GPRIN1: variants seen among roughly 807,000 people sequenced by gnomAD.
The protein encoded by GPRIN1 is G protein-regulated inducer of neurite outgrowth 1.
A neutral mutation model predicts 2.8 loss-of-function variants in GPRIN1; 4 were observed. The ratio of observed to expected loss-of-function variants is 1.45; its 90% CI spans 0.71 to 3.32. GPRIN1 has a LOEUF of 3.32. Among genes scored for constraint, GPRIN1 ranks in the 30% most tolerant of loss-of-function variants. The probability of loss-of-function intolerance (pLI) is 0.01; values close to 1 mark genes in which losing one functional copy is unlikely to be tolerated. For missense variants in GPRIN1, 1,322 were observed against 1,343.4 expected, an observed-to-expected ratio of 0.98 and a Z score of 0.25; for synonymous variants, 589 against 589.9, an observed-to-expected ratio of 1.00 and a Z score of 0.02.
chr5:176,598,392 A>G lies in GPRIN1; in HGVS notation c.1443T>C (p.Pro481=). 1 of 1,613,986 alleles carries G rather than the reference A, an allele frequency of 6.2e-7. No individual in the cohort carries two copies. The highest frequency in any genetic ancestry group is 8.5e-7 in the Non-Finnish European group (1 of 1,179,954). Residue 481 remains proline (P), a synonymous_variant, in exon 2 of 2, where the codon CCT becomes CCC. Coordinates refer to ENST00000303991, the MANE Select transcript of GPRIN1 (RefSeq NM_052899.3). ...SRKTSSEKVN[P]ESSGKTNPVS... ...CAGGGTTTGTCTTTCCTGAAGACTC[A>G]GGATTCACTTTTTCAGATGATGTCT...
In GPRIN1 at chr5:176,599,845, G is replaced by T; in HGVS notation, c.-11C>A. On this transcript the variant is annotated 5_prime_UTR_variant, in exon 2 of 2. Coordinates refer to ENST00000303991, the MANE Select transcript of GPRIN1 (RefSeq NM_052899.3). ...TTCAGCAGTGTCCATCTGCCCTCAT[G>T]ACCACGCCTGCACCCAAGGCTGCTG... The T allele has an allele frequency of 1.4e-6, 2 of 1,455,166 alleles. No individual in the cohort carries two copies. The highest frequency in any genetic ancestry group is 3.3e-5 in the South Asian group (2 of 60,302). The allele number at this position is 1,455,166 out of a possible 1,614,324, so 90.1% of individuals were successfully genotyped here. A position where few individuals can be genotyped will look rare whatever the true frequency, so the allele number is the denominator to read the frequency against.
intron 1 of GPRIN1, among the ~76,000 whole-genome samples, chr5:176,604,181 T>C (rs914892799): frequency 6.6e-6 from 1 of 152,162 alleles, no homozygotes; most frequent in South Asian, 2.1e-4. Flanking sequence ...GTATTTCAAA[T>C]AATGGATGCT....
In GPRIN1 at chr5:176,596,942, G is replaced by A; in HGVS notation, c.2893C>T (p.Pro965Ser). The stretch of plus-strand genomic sequence containing the variant: ...GTGCGCACCGAGCCCGAACGGCCGG[G>A]GCCGGCACGGGCGGCGGGCGGCGGC... ...PAPPPAARAG[P>S]GRSGSVRTAP... The change falls in exon 2 of 2, where the codon CCC becomes TCC. Residue 965 changes from proline to serine, a missense_variant. By Grantham distance (74) the Pro-to-Ser change is moderately conservative. Transcript: ENST00000303991. This position sits in a 1 kb window ranked among gnomAD's most constrained non-coding sequence, Gnocchi z 5.2. 1 of 1,249,902 alleles carries A rather than the reference G, an allele frequency of 8.0e-7. No individual in the cohort carries two copies. Among genetic ancestry groups the A allele is most frequent in the Non-Finnish European group, 1.0e-6 (1 of 998,074 alleles). 77.4% of individuals were successfully genotyped at this position (1,249,902 alleles called of 1,614,324 possible).
Position 176,596,729 on chromosome 5 carries a change from G to A in GPRIN1, c.*79C>T, listed in dbSNP as rs774069772. The A allele has an allele frequency of 4.1e-6, 5 of 1,229,680 alleles. No individual in the cohort carries two copies. In the East Asian group the frequency reaches 9.9e-5, roughly 24 times the overall value. 76.2% of individuals were successfully genotyped at this position (1,229,680 alleles called of 1,614,324 possible). A position where few individuals can be genotyped will look rare whatever the true frequency, so the allele number is the denominator to read the frequency against. Reference sequence around the variant, plus strand: ...CCCTCGGAGGCCTGTGGCACGCAGAGGGGACCCCTTCTAGGGGCCTGTGAT... The same window carrying A: ...CCCTCGGAGGCCTGTGGCACGCAGAAGGGACCCCTTCTAGGGGCCTGTGAT... On this transcript the variant is annotated 3_prime_UTR_variant, in exon 2 of 2. Transcript: ENST00000303991. This position sits in a 1 kb window ranked among gnomAD's most constrained non-coding sequence, Gnocchi z 5.2.
chr5:176,609,025 C>G (rs1036672412), intron 1 of GPRIN1, among the ~76,000 whole-genome samples: 7 of 152,338 alleles, frequency 4.6e-5, no homozygotes, highest in Middle Eastern at 6.8e-3. Flanking sequence ...TTAGCCAGAC[C>G]TGCTTCCAGA....
Position 176,598,782 on chromosome 5 carries a change from C to T in GPRIN1, c.1053G>A (p.Gly351=), listed in dbSNP as rs1581156944. ...TTCCCACAGATGCGGGATCTGCCAT[C>T]CCCAAGCATGTGGGATCCAGCCTTC... The part of the protein sequence containing the change: ...SLGRLDPTCL[G]MADPASVGNV... The change falls in exon 2 of 2, where the codon GGG becomes GGA. Residue 351 remains glycine, a synonymous_variant. Coordinates refer to ENST00000303991, the MANE Select transcript of GPRIN1 (RefSeq NM_052899.3). 2 of 1,613,696 alleles carry T rather than the reference C, an allele frequency of 1.2e-6. No homozygotes were observed. The highest frequency in any genetic ancestry group is 1.1e-5 in the South Asian group (1 of 91,088).
chr5:176,601,252 T>A (rs1335688489), intron 1 of GPRIN1, among the ~76,000 whole-genome samples: 1 of 152,180 alleles, frequency 6.6e-6, no homozygotes, highest in Non-Finnish European at 1.5e-5. Context: ...GAGGCTGGGC[T>A]GAAGGAGCAC....
Position 176,602,259 on chromosome 5 carries a change from A to G in GPRIN1, c.-43-2382T>C, listed in dbSNP as rs1759158939. On this transcript the variant is annotated intron_variant, in intron 1 of 1. Transcript: ENST00000303991. The surrounding 1 kb of genome is among the most constrained non-coding windows in gnomAD (Gnocchi z 4.4). ...CTTTCCCTGACCCATGCAATGTAAA[A>G]CAGCCTCCTCCCCAGCTCTGGCTGG... 6.6e-6 allele frequency among the ~76,000 whole-genome samples: 1 copy of G among 152,124 alleles called. No individual in the cohort carries two copies. Among genetic ancestry groups the G allele is most frequent in the Non-Finnish European group, 1.5e-5 (1 of 68,024 alleles).
chr5:176,600,330 C>G (rs534111686), intron 1 of GPRIN1, among the ~76,000 whole-genome samples: 79 of 152,052 alleles, frequency 5.2e-4, no homozygotes, highest in African/African-American at 1.6e-3. Flanking sequence ...TTCGAACTCC[C>G]GACCTCAGGT....
At chr5:176,607,729 CAGAG>C (rs1318914067) in intron 1 of GPRIN1, among the ~76,000 whole-genome samples, 1 of 151,936 alleles carries the variant, frequency 6.6e-6, no homozygotes, top group Admixed American at 6.6e-5. Context: ...CCACTGAAGT[CAGAG>C]GGAGAAGACT....
rs371713280 is a variant in GPRIN1, at chr5:176,597,831, C to T, written c.2004G>A (p.Glu668=). 34 of 1,612,264 alleles carry T rather than the reference C, an allele frequency of 2.1e-5. No homozygotes were observed. Among genetic ancestry groups the T allele is most frequent in the South Asian group, 3.3e-5 (3 of 90,944 alleles). The change falls in exon 2 of 2, where the codon GAG becomes GAA. Residue 668 remains glutamate (E), a synonymous_variant. Transcript: ENST00000303991. The surrounding 1 kb of genome is among the most constrained non-coding windows in gnomAD (Gnocchi z 6.1). ...CLKKETPQAS[E]KVDPGSCRKA... ...TTCTGCAGGATCCAGGATCCACCTT[C>T]TCTGAGGCCTGTGGTGTCTCCTTTT...
intron 1 of GPRIN1, among the ~76,000 whole-genome samples, chr5:176,600,958 G>A (rs1017636301): frequency 6.6e-6 from 1 of 152,068 alleles, no homozygotes; most frequent in Non-Finnish European, 1.5e-5. Context: ...AATAAAGGGA[G>A]AACCACTACT....
chr5:176,607,607 G>A (rs1759240118), intron 1 of GPRIN1, among the ~76,000 whole-genome samples: 1 of 152,164 alleles, frequency 6.6e-6, no homozygotes, highest in Non-Finnish European at 1.5e-5. Context: ...GCCTCTCAAA[G>A]TGTTGGGATT....
rs1329059937 is a variant in GPRIN1 at position 176,599,567 on chromosome 5, T to G, written c.268A>C (p.Ser90Arg). ...CAGGTTGGGGAGGGGCAGGCCAGGC[T>G]CCCTCTGGGGCCGTCAGAGCAGGAG... ...GASCSDGPRG[S>R]LACPSPTCFS... Residue 90 changes from serine to arginine, a missense_variant, in exon 2 of 2, where the codon AGC becomes CGC. Around this residue, in one of 3 missense-constraint regions of GPRIN1, gnomAD observed 1,117 missense variants for 1,128.6 expected, o/e 0.99. Coordinates refer to ENST00000303991, the MANE Select transcript of GPRIN1 (RefSeq NM_052899.3). 2.5e-6 allele frequency: 4 copies of G among 1,577,284 alleles called. No homozygotes were observed. Among genetic ancestry groups the G allele is most frequent in the Non-Finnish European group, 3.4e-6 (4 of 1,163,224 alleles).
rs766042327 is a variant in GPRIN1 at position 176,599,165 on chromosome 5, TGCTGGA to T, written c.664_669del (p.Ser222_Ser223del). ...TTCCTCGGTGACACTGTATACGTCT[TGCTGGA>T]GCACAAAGGATCTACTTTTCCCAGG... On this transcript the variant is annotated inframe_deletion, in exon 2 of 2. Coordinates refer to ENST00000303991, the MANE Select transcript of GPRIN1 (RefSeq NM_052899.3). 6.2e-7 allele frequency: 1 copy of T among 1,613,712 alleles called. No individual in the cohort carries two copies. Among genetic ancestry groups the T allele is most frequent in the Admixed American group, 1.7e-5 (1 of 60,006 alleles).
rs537052105 is a variant in GPRIN1 at position 176,596,144 on chromosome 5, C to T, written c.*664G>A. On this transcript the variant is annotated 3_prime_UTR_variant, in exon 2 of 2. Transcript: ENST00000303991. This position sits in a 1 kb window ranked among gnomAD's most constrained non-coding sequence, Gnocchi z 5.2. ...GGTACTTCCTGTAGCTGTCTTTGGC[C>T]TCTCTGGGAATCTCAAACCTGTGAC... 1 of 153,408 alleles carries T rather than the reference C, an allele frequency of 6.5e-6. No homozygotes were observed. The highest frequency in any genetic ancestry group is 1.9e-4 in the East Asian group (1 of 5,198). 9.5% of individuals were successfully genotyped at this position (153,408 alleles called of 1,614,324 possible).
Position 176,602,169 on chromosome 5 carries a change from C to T in GPRIN1, c.-43-2292G>A, listed in dbSNP as rs771437563. On this transcript the variant is annotated intron_variant, in intron 1 of 1. Transcript: ENST00000303991. The surrounding 1 kb of genome is among the most constrained non-coding windows in gnomAD (Gnocchi z 4.4). ...GAACACGCCTGCCTCCATGCCTTGG[C>T]GCTGCCTGCTTCTTCTGCATGGAGA... Among the ~76,000 whole-genome samples, 2 of 152,152 alleles carry T rather than the reference C, an allele frequency of 1.3e-5. No homozygotes were observed. Among genetic ancestry groups the T allele is most frequent in the African/African-American group, 2.4e-5 (1 of 41,426 alleles).
At chr5:176,604,209 G>C (rs944583968) in intron 1 of GPRIN1, among the ~76,000 whole-genome samples, 2 of 152,178 alleles carry the variant, frequency 1.3e-5, no homozygotes, top group African/African-American at 4.8e-5. Flanking sequence ...CAAAGGAGTG[G>C]GCAGCTGGTT....
rs1417375784 is a variant in GPRIN1, at chr5:176,602,058, C to T, written c.-43-2181G>A. ...CCTGCATCTTCAGGCCCCGTCACCT[C>T]CTCTGCCCTTTCTGCTGCTGCTCTC... On this transcript the variant is annotated intron_variant, in intron 1 of 1. Coordinates refer to ENST00000303991, the MANE Select transcript of GPRIN1 (RefSeq NM_052899.3). The surrounding 1 kb of genome is among the most constrained non-coding windows in gnomAD (Gnocchi z 4.4). Among the ~76,000 whole-genome samples, 1 of 152,218 alleles carries T rather than the reference C, an allele frequency of 6.6e-6. No homozygotes were observed. The highest frequency in any genetic ancestry group is 1.9e-4 in the East Asian group (1 of 5,198).
Sources: allele counts gnomAD v4.1 joint callset (sites outside exome capture counted in the v4.1 genomes callset), GRCh38; gene constraint gnomAD v4.1.1; regional missense constraint gnomAD v4.1.1; non-coding constraint Gnocchi (gnomAD v3.1); transcripts MANE v1.5; gene names NCBI Gene and HGNC (gene_info 2026-07-23, HGNC 2026-07-21).